The following ZBTB25 variants were observed in gnomAD, a reference collection of about 807,000 sequenced individuals.
ZBTB25 encodes the protein zinc finger and BTB domain-containing protein 25.
In ZBTB25, 20 loss-of-function variants were observed where a neutral mutation model predicts 34.2. That is an observed-to-expected ratio of 0.58 (90% confidence interval 0.41 to 0.85). The LOEUF (loss-of-function observed/expected upper bound fraction) is 0.85, where lower values mean the gene tolerates loss of function less well. Ranked by LOEUF, ZBTB25 falls within the 40% of genes least tolerant of loss-of-function variation. ZBTB25 has a pLI of 0.00. For synonymous variants in ZBTB25, 175 were observed against 186.4 expected (o/e 0.94, Z 0.50); for missense variants, 437 against 521.8 (o/e 0.84, Z 1.58).
intron 1 of ZBTB25, among the ~76,000 whole-genome samples, chr14:64,498,497 G>A (rs1383812113): frequency 6.6e-6 from 1 of 152,100 alleles, no homozygotes; most frequent in Non-Finnish European, 1.5e-5. Context: ...TTTTAGTAGA[G>A]ATGGGGTTTC....
chr14:64,451,837 C>T (rs1241631283), intron 2 of ZBTB25, among the ~76,000 whole-genome samples: 1 of 152,194 alleles, frequency 6.6e-6, no homozygotes, highest in Non-Finnish European at 1.5e-5. Flanking sequence ...ATTTATAGAG[C>T]TCCAGTTATG....
chr14:64,503,300 G>A, intron 1 of ZBTB25: 8 of 985,420 alleles, frequency 8.1e-6, no homozygotes, highest in Non-Finnish European at 9.6e-6. Flanking sequence ...AGAGGGGTCG[G>A]CGCTACCCGA....
At chr14:64,468,254 C>T (rs2141003107) in intron 2 of ZBTB25, 2 of 703,564 alleles carry the variant, frequency 2.8e-6, no homozygotes, top group East Asian at 5.9e-5. Context: ...CCTAAAACAA[C>T]TGTATGGAGT....
In ZBTB25 at chr14:64,481,404, T is replaced by C. The variant is rs1448100475; in HGVS notation, c.*5519A>G. Reference sequence around the variant, plus strand: ...TTCACAGTACATTAGGTGGATGAGTTTAGCCACACAATGTATTATTGATTT... The same window carrying C: ...TTCACAGTACATTAGGTGGATGAGTCTAGCCACACAATGTATTATTGATTT... On this transcript the variant is annotated 3_prime_UTR_variant, in exon 3 of 3. Coordinates refer to ENST00000608382, the MANE Select transcript of ZBTB25 (RefSeq NM_006977.5). 6.6e-6 allele frequency: 1 copy of C among 152,264 alleles called. No homozygotes were observed. The highest frequency in any genetic ancestry group is 1.9e-4 in the East Asian group (1 of 5,204). The allele number at this position is 152,264 out of a possible 1,614,324, so 9.4% of individuals were successfully genotyped here. A position where few individuals can be genotyped will look rare whatever the true frequency, so the allele number is the denominator to read the frequency against.
At chr14:64,475,774 G>C (rs1028946863), downstream of ZBTB25, among the ~76,000 whole-genome samples, 2 of 152,116 alleles carry the variant, frequency 1.3e-5, no homozygotes, top group African/African-American at 4.8e-5. Flanking sequence ...ATGGTGTGGC[G>C]CCGCGTCTGG....
At chr14:64,496,464 C>T (rs1195478042) in intron 1 of ZBTB25, among the ~76,000 whole-genome samples, 1 of 152,082 alleles carries the variant, frequency 6.6e-6, no homozygotes, top group Admixed American at 6.5e-5. Context: ...GCATTCCAGC[C>T]TGGGCTACAG....
chr14:64,497,575 T>C (rs1383758893), intron 1 of ZBTB25, among the ~76,000 whole-genome samples: 2 of 152,260 alleles, frequency 1.3e-5, no homozygotes, highest in Non-Finnish European at 2.9e-5. Flanking sequence ...ATCAAAGTGA[T>C]ACATTATCAT....
intron 2 of ZBTB25, chr14:64,459,792 G>A: frequency 6.5e-7 from 1 of 1,535,752 alleles, no homozygotes. Flanking sequence ...TACTTTGAAA[G>A]TCTGGCCAGT....
At chr14:64,473,801 A>T (rs896720622), downstream of ZBTB25, 2 of 166,978 alleles carry the variant, frequency 1.2e-5, no homozygotes, top group African/African-American at 4.8e-5. Context: ...CTCATTTAAG[A>T]TTTAGAGTTC....
At chr14:64,500,840 CAGG>C (rs1023861373) in intron 1 of ZBTB25, among the ~76,000 whole-genome samples, 1 of 152,130 alleles carries the variant, frequency 6.6e-6, no homozygotes, top group African/African-American at 2.4e-5. Flanking sequence ...CACTTGAGGT[CAGG>C]AGTTCAAGAC....
At chr14:64,469,536 A>C (rs1371387430) in intron 2 of ZBTB25, 1 of 1,613,862 alleles carries the variant, frequency 6.2e-7, no homozygotes, top group Non-Finnish European at 8.5e-7. Flanking sequence ...AATGGTTTTG[A>C]GGATAGAACT....
intron 1 of ZBTB25, among the ~76,000 whole-genome samples, chr14:64,498,886 G>A (rs1169083136): frequency 6.6e-6 from 1 of 151,922 alleles, no homozygotes. Context: ...CACCCGCCTC[G>A]GCCTCCCAAA....
rs1778047553 is a variant in ZBTB25 at position 64,503,319 on chromosome 14, G to A, written c.-8+342C>T. On this transcript the variant is annotated intron_variant, in intron 1 of 2. Coordinates refer to ENST00000608382, the MANE Select transcript of ZBTB25 (RefSeq NM_006977.5). ...GGGTCGGCGCTACCCGAGGGAGGCC[G>A]CAGGCCTACTGGGGTTTCCTGCTGG... The A allele has an allele frequency of 5.1e-6, 5 of 985,408 alleles. No individual in the cohort carries two copies. In the South Asian group the frequency reaches 2.3e-4, roughly 46 times the overall value. 61.0% of individuals were successfully genotyped at this position (985,408 alleles called of 1,614,324 possible). A position where few individuals can be genotyped will look rare whatever the true frequency, so the allele number is the denominator to read the frequency against.
At chr14:64,471,509 T>G (rs947472117) in intron 2 of ZBTB25, 1 of 167,060 alleles carries the variant, frequency 6.0e-6, no homozygotes, top group Non-Finnish European at 1.5e-5. Flanking sequence ...CTTATTTGCA[T>G]TTTTATTTAC....
Position 64,487,505 on chromosome 14 carries a change from G to T in ZBTB25, c.726C>A (p.Tyr242Ter). Reference sequence around the variant, plus strand: ...TACGGGAATCAAAACGTTCCCCACAGTAATGGCATAAGTGTATTTTGACAC... The same window carrying T: ...TACGGGAATCAAAACGTTCCCCACATTAATGGCATAAGTGTATTTTGACAC... Reference protein sequence around the residue: ...ENSVKIHLCHYCGERFDSRSN... With the variant: ...ENSVKIHLCH The change falls in exon 3 of 3, where the codon TAC becomes TAA. Residue 242 changes from tyrosine to a stop codon, truncating the protein, a stop_gained. Transcript: ENST00000608382. LOFTEE classifies it high-confidence loss of function. The T allele has an allele frequency of 6.2e-7, 1 of 1,614,092 alleles. No individual in the cohort carries two copies. Among genetic ancestry groups the T allele is most frequent in the Non-Finnish European group, 8.5e-7 (1 of 1,179,944 alleles).
At chr14:64,458,939 G>C (rs2078519552) in intron 2 of ZBTB25, among the ~76,000 whole-genome samples, 1 of 152,174 alleles carries the variant, frequency 6.6e-6, no homozygotes, top group Non-Finnish European at 1.5e-5. Context: ...ACATCCTGTT[G>C]AAACTGCAAA....
chr14:64,470,095 CTTAT>C (rs1430072669), intron 2 of ZBTB25: 12 of 169,256 alleles, frequency 7.1e-5, no homozygotes. Flanking sequence ...TTTTTAAAAA[CTTAT>C]TTTTTACAGT....
intron 2 of ZBTB25, chr14:64,461,209 C>G (rs1449744988): frequency 1.3e-5 from 2 of 152,078 alleles, no homozygotes; most frequent in Non-Finnish European, 2.9e-5. Flanking sequence ...AGTATTTTTC[C>G]CAGTGACCTT....
At position 64,459,899 on chromosome 14, in the gene ZBTB25, A is replaced by G. The variant is rs1332513931; in HGVS notation, c.174-10261T>C. ...TGAAACTAATAGTAGGAGTTTCCCC[A>G]GAAGTCATTTTCAGCCTTAATTCTC... is the stretch of plus-strand genomic sequence containing the variant. On this transcript the variant is annotated intron_variant, in intron 2 of 2. Coordinates refer to the ZBTB25 transcript ENST00000555220. 4 of 1,536,090 alleles carry G rather than the reference A, an allele frequency of 2.6e-6. No homozygotes were observed. The Admixed American group carries it at 5.9e-5, about 23-fold the overall frequency.
Sources: gnomAD v4.1 joint callset for allele counts (sites outside exome capture counted in the v4.1 genomes callset) on GRCh38, gnomAD v4.1.1 for gene constraint, MANE v1.5 for transcripts, NCBI Gene and HGNC (gene_info 2026-07-23, HGNC 2026-07-21) for gene names.